The following LAMC2 variants were observed in gnomAD, a reference collection of about 807,000 sequenced individuals.
LAMC2 encodes laminin subunit gamma 2.
Under a neutral mutation model 140.2 loss-of-function variants are expected in LAMC2, and 97 were observed. The observed-to-expected ratio is 0.69, with a 90% CI of 0.59 to 0.82. The LOEUF (loss-of-function observed/expected upper bound fraction) is 0.82, where lower values mean the gene tolerates loss of function less well. LAMC2 is among the 40% of genes least tolerant of loss of function. The pLI is 0.00. For synonymous variants in LAMC2, 513 were observed against 540.2 expected, an observed-to-expected ratio of 0.95 and a Z score of 0.70; for missense variants, 1,402 against 1,476.1, an observed-to-expected ratio of 0.95 and a Z score of 0.82.
intron 1 of LAMC2, among the ~76,000 whole-genome samples, chr1:183,194,195 C>G (rs995787540): frequency 1.3e-5 from 2 of 150,104 alleles, no homozygotes; most frequent in African/African-American, 2.5e-5. Flanking sequence ...GTTGGAATTA[C>G]AGATGTGAGC....
In LAMC2 at chr1:183,232,262, C is replaced by T. The variant is rs1315008327; in HGVS notation, c.1933C>T (p.Pro645Ser). The change falls in exon 13 of 23, where the codon CCT (proline) becomes TCT (serine). Residue 645 changes from proline (P) to serine (S), a missense_variant. This residue lies in a region of LAMC2 where 670 missense variants were observed against 667.2 expected (regional missense o/e 1.00). Transcript: ENST00000264144. ...GGCTCAGGGTGGTGATGGAGTAGTA[C>T]CTGATACAGAGCTGGAAGGCAGGAT... ...SKAQGGDGVVPDTELEGRMQQ... is the reference protein window; with the variant it reads ...SKAQGGDGVVSDTELEGRMQQ... The T allele has an allele frequency of 6.2e-7, 1 of 1,613,914 alleles. No homozygotes were observed. The highest frequency in any genetic ancestry group is 2.2e-5 in the East Asian group (1 of 44,886).
At chr1:183,222,419 C>T (rs1659503530) in intron 6 of LAMC2, among the ~76,000 whole-genome samples, 1 of 152,084 alleles carries the variant, frequency 6.6e-6, no homozygotes. Flanking sequence ...AATGTGGTGT[C>T]CCAGAGGTCA....
At chr1:183,220,522 C>A (rs1244385103) in intron 4 of LAMC2, among the ~76,000 whole-genome samples, 1 of 152,052 alleles carries the variant, frequency 6.6e-6, no homozygotes, top group Non-Finnish European at 1.5e-5. Flanking sequence ...CATCTGACCA[C>A]CACTCAATTT....
At chr1:183,230,880 A>T in intron 11 of LAMC2, 81 bp from the exon 12 acceptor site, 3 of 1,500,418 alleles carry the variant, frequency 2.0e-6, no homozygotes, top group Non-Finnish European at 2.8e-6. Flanking sequence ...TGGAGGCTTG[A>T]TCTCCTTCCT....
the LAMC2 span, among the ~76,000 whole-genome samples, chr1:183,257,175 G>A: frequency 6.6e-6 from 1 of 151,444 alleles, no homozygotes. Context: ...AGGCGTAGTG[G>A]TTCATGCCTG....
intron 18 of LAMC2, 144 bp from the exon 19 acceptor site, chr1:183,238,163 C>G (rs1660021585): frequency 1.5e-6 from 1 of 677,642 alleles, no homozygotes; most frequent in South Asian, 1.6e-5. Context: ...TTGCTCTGTC[C>G]CAGATTGTAG....
intron 8 of LAMC2, among the ~76,000 whole-genome samples, chr1:183,226,158 A>G (rs1440729794): frequency 8.3e-6 from 1 of 120,542 alleles, no homozygotes; most frequent in South Asian, 2.5e-4. Flanking sequence ...TTTTTTTTGA[A>G]TTTCACATGT....
At chr1:183,255,473 G>T in the LAMC2 span, among the ~76,000 whole-genome samples, 9 of 152,172 alleles carry the variant, frequency 5.9e-5, 1 homozygote, top group African/African-American at 1.9e-4. Context: ...TTGGGATTTT[G>T]ATAGGTATTT....
At chr1:183,253,003 T>A in the LAMC2 span, among the ~76,000 whole-genome samples, 1 of 152,162 alleles carries the variant, frequency 6.6e-6, no homozygotes, top group Non-Finnish European at 1.5e-5. Flanking sequence ...TTTTTTCCTG[T>A]AAAATGAGGG....
rs1388739459 is a variant in LAMC2, at chr1:183,243,498, A to T, written c.*98A>T. The T allele has an allele frequency of 1.4e-6, 2 of 1,462,566 alleles. No individual in the cohort carries two copies. Among genetic ancestry groups the T allele is most frequent in the Non-Finnish European group, 1.9e-6 (2 of 1,045,578 alleles). 90.6% of individuals were successfully genotyped at this position (1,462,566 alleles called of 1,614,324 possible). ...GTGGGTGGGATGGGGACATTTGAAC[A>T]TGTTTAATGGGTATGCTCAGGTCAA... is the stretch of plus-strand genomic sequence containing the variant. On this transcript the variant is annotated 3_prime_UTR_variant, in exon 23 of 23. Transcript: ENST00000264144.
intron 1 of LAMC2, among the ~76,000 whole-genome samples, chr1:183,206,473 C>T (rs1278026136): frequency 1.3e-5 from 2 of 152,086 alleles, no homozygotes; most frequent in Admixed American, 6.5e-5. Flanking sequence ...GGCGAAACCC[C>T]ATCTCTACCA....
chr1:183,253,670 G>T, the LAMC2 span, among the ~76,000 whole-genome samples: 2 of 151,600 alleles, frequency 1.3e-5, no homozygotes, highest in African/African-American at 4.9e-5. Flanking sequence ...CTACATATTT[G>T]CTGCTTTGTA....
downstream of LAMC2, chr1:183,248,776 G>A (rs1376111918): frequency 6.6e-6 from 1 of 152,192 alleles, no homozygotes; most frequent in Non-Finnish European, 1.5e-5. Flanking sequence ...CCCTCCTGCA[G>A]TAGGTAGCCT....
intron 4 of LAMC2, 78 bp from the exon 5 acceptor site, chr1:183,220,747 G>A: frequency 7.1e-7 from 1 of 1,411,536 alleles, no homozygotes; most frequent in Non-Finnish European, 9.9e-7. Flanking sequence ...AAGGTAGAGA[G>A]GCTGACTCAT....
Position 183,220,807 on chromosome 1 carries a change from T to C in LAMC2, c.504-18T>C, listed in dbSNP as rs777475010. ...AAAAATAACCTATAATATCCTGATT[T>C]CTACAATGCCACTGCAGGTGTCGAT... On this transcript the variant is annotated intron_variant, in intron 4 of 22. Transcript: ENST00000264144. 5 of 1,612,520 alleles carry C rather than the reference T, an allele frequency of 3.1e-6. No individual in the cohort carries two copies. The highest frequency in any genetic ancestry group is 4.2e-6 in the Non-Finnish European group (5 of 1,178,530).
intron 2 of LAMC2, among the ~76,000 whole-genome samples, chr1:183,209,069 G>A (rs1658993806): frequency 6.7e-6 from 1 of 149,744 alleles, no homozygotes; most frequent in Non-Finnish European, 1.5e-5. Flanking sequence ...TACATACACT[G>A]TGCTGTATTC....
intron 9 of LAMC2, 124 bp downstream of exon 9, chr1:183,227,040 A>G (rs959295176): frequency 3.0e-5 from 23 of 761,832 alleles, no homozygotes; most frequent in Non-Finnish European, 4.8e-5. Context: ...GCAGAGCTGG[A>G]GTCAGGGAAG....
chr1:183,254,052 A>C, the LAMC2 span, among the ~76,000 whole-genome samples: 5,562 of 152,198 alleles, frequency 0.037, 352 homozygotes, highest in African/African-American at 0.13. Context: ...GAACTTGGAA[A>C]TGCAGATACC....
At position 183,229,602 on chromosome 1, in the gene LAMC2, A is replaced by G. The variant is rs1389610175; in HGVS notation, c.1714+983A>G. ...CAGTGAGCCGAGATCATGTCACTGC[A>G]CTCCAGCCGGGCAACAGCGCAAGAC... On this transcript the variant is annotated intron_variant, in intron 11 of 22. Transcript: ENST00000264144. Among the ~76,000 whole-genome samples the G allele has an allele frequency of 2.8e-5, 4 of 141,442 alleles. No homozygotes were observed. The East Asian group carries it at 6.2e-4, about 22-fold the overall frequency. 92.8% of individuals were successfully genotyped at this position (141,442 alleles called of 152,430 possible).
Sources: allele counts gnomAD v4.1 joint callset (sites outside exome capture counted in the v4.1 genomes callset), GRCh38; gene constraint gnomAD v4.1.1; regional missense constraint gnomAD v4.1.1; transcripts MANE v1.5; gene names NCBI Gene and HGNC (gene_info 2026-07-23, HGNC 2026-07-21).